Variants in N4BP2L1 observed in about 807,000 individuals in gnomAD.
N4BP2L1 encodes the protein NEDD4-binding protein 2-like 1.
Under a neutral mutation model 21.2 loss-of-function variants are expected in N4BP2L1, and 12 were observed. The ratio of observed to expected loss-of-function variants is 0.57; its 90% CI spans 0.36 to 0.92. The LOEUF (loss-of-function observed/expected upper bound fraction) is 0.92. Among genes scored for constraint, N4BP2L1 ranks in the 40% least tolerant of loss-of-function variants. N4BP2L1 has a pLI of 0.01. For missense variants in N4BP2L1, 259 were observed against 310.6 expected, an observed-to-expected ratio of 0.83 and a Z score of 1.25; for synonymous variants, 104 against 112.8, an observed-to-expected ratio of 0.92 and a Z score of 0.49.
At chr13:32,417,759 G>A (rs995117279) in intron 1 of N4BP2L1, among the ~76,000 whole-genome samples, 6 of 152,298 alleles carry the variant, frequency 3.9e-5, no homozygotes, top group East Asian at 1.9e-4. Flanking sequence ...TGCTATGGAC[G>A]ATGAAGTCCA....
intron 1 of N4BP2L1, among the ~76,000 whole-genome samples, chr13:32,423,261 A>G (rs2074582243): frequency 6.6e-6 from 1 of 152,244 alleles, no homozygotes; most frequent in Admixed American, 6.5e-5. Flanking sequence ...GGAAAATTCC[A>G]TGTTATCCAG....
chr13:32,411,872 C>G, intron 1 of N4BP2L1: 1 of 688,170 alleles, frequency 1.5e-6, no homozygotes, highest in Non-Finnish European at 1.8e-6. Context: ...ACTTGACGCC[C>G]AGTTTTTTAC....
At chr13:32,405,148 C>T (rs1333393274) in intron 3 of N4BP2L1, among the ~76,000 whole-genome samples, 1 of 152,116 alleles carries the variant, frequency 6.6e-6, no homozygotes, top group East Asian at 1.9e-4. Flanking sequence ...CAACCGGAAA[C>T]CTCTCATTTC....
chr13:32,408,027 CCGCTGCCTTCTGT>C (rs1162902944), intron 1 of N4BP2L1, among the ~76,000 whole-genome samples: 1 of 152,204 alleles, frequency 6.6e-6, no homozygotes, highest in Non-Finnish European at 1.5e-5. Context: ...ACAGTCACTG[CCGCTGCCTTCTGT>C]AGCGGCAAGA....
At chr13:32,411,845 C>T (rs1333284167) in intron 1 of N4BP2L1, 1 of 910,596 alleles carries the variant, frequency 1.1e-6, no homozygotes, top group African/African-American at 1.8e-5. Flanking sequence ...GAAAGTCAGA[C>T]ATTGCATGTA....
chr13:32,416,467 G>T (rs1414420920), intron 1 of N4BP2L1: 1 of 152,190 alleles, frequency 6.6e-6, no homozygotes, highest in Non-Finnish European at 1.5e-5. Flanking sequence ...TCCATATCAT[G>T]AACAAATTTC....
At chr13:32,422,076 A>G (rs1307917238) in intron 1 of N4BP2L1, among the ~76,000 whole-genome samples, 3 of 152,210 alleles carry the variant, frequency 2.0e-5, no homozygotes, top group East Asian at 3.8e-4. Flanking sequence ...AAATATGGAA[A>G]CGTATTTAAA....
Position 32,402,470 on chromosome 13 carries a change from T to C in N4BP2L1, c.*472A>G. ...ATAAGAGTCGCACATCTCACATTTT[T>C]AGATACATAGATTATCAAAGTAGCA... On this transcript the variant is annotated 3_prime_UTR_variant, in exon 5 of 5. Coordinates refer to ENST00000380130, the MANE Select transcript of N4BP2L1 (RefSeq NM_052818.3). 3.1e-6 allele frequency: 3 copies of C among 975,112 alleles called. No homozygotes were observed. The highest frequency in any genetic ancestry group is 3.7e-6 in the Non-Finnish European group (3 of 821,002). 60.4% of individuals were successfully genotyped at this position (975,112 alleles called of 1,614,324 possible).
chr13:32,413,072 C>T (rs1038268501), intron 1 of N4BP2L1, among the ~76,000 whole-genome samples: 1 of 151,892 alleles, frequency 6.6e-6, no homozygotes, highest in Non-Finnish European at 1.5e-5. Flanking sequence ...TATAGGCGCC[C>T]ACCACCATGC....
At chr13:32,411,586 C>CA (rs2073862856) in intron 1 of N4BP2L1, 1 of 985,018 alleles carries the variant, frequency 1.0e-6, no homozygotes, top group Admixed American at 6.2e-5. Flanking sequence ...TTATGGTGGT[C>CA]AGGAGCCTCA....
At position 32,403,808 on chromosome 13, in the gene N4BP2L1, T is replaced by C. The variant is rs548591898; in HGVS notation, c.473+513A>G. On this transcript the variant is annotated intron_variant, in intron 4 of 4. Coordinates refer to ENST00000380130, the MANE Select transcript of N4BP2L1 (RefSeq NM_052818.3). ...GCCTTACTCCTAAGAAGTAAATTCTTACCTCACTGGCTATTTTAAGTCAAT... is the reference window on the plus strand; with the variant it reads ...GCCTTACTCCTAAGAAGTAAATTCTCACCTCACTGGCTATTTTAAGTCAAT... 336 of 512,614 alleles carry C rather than the reference T, an allele frequency of 6.6e-4. 3 individuals carry two copies. Among genetic ancestry groups the C allele is most frequent in the South Asian group, 5.0e-3 (332 of 66,404 alleles). The allele number at this position is 512,614 out of a possible 1,614,324, so 31.8% of individuals were successfully genotyped here. A position where few individuals can be genotyped will look rare whatever the true frequency, so the allele number is the denominator to read the frequency against.
Position 32,400,776 on chromosome 13 carries a change from G to GC in N4BP2L1, c.*2165dup, listed in dbSNP as rs1370836652. 1 of 152,090 alleles carries GC rather than the reference G, an allele frequency of 6.6e-6. No homozygotes were observed. Among genetic ancestry groups the GC allele is most frequent in the African/African-American group, 2.4e-5 (1 of 41,424 alleles). 9.4% of individuals were successfully genotyped at this position (152,090 alleles called of 1,614,324 possible). On this transcript the variant is annotated 3_prime_UTR_variant, in exon 5 of 5. Transcript: ENST00000380130. ...AGCAATCATTTAATGAGACCCTATT[G>GC]CCCATAAAGAGCATTTGCCAGTTCT...
chr13:32,413,916 C>CT (rs2073993533), intron 1 of N4BP2L1, among the ~76,000 whole-genome samples: 1 of 129,376 alleles, frequency 7.7e-6, no homozygotes, highest in Admixed American at 8.7e-5. Context: ...GAGTCTCACT[C>CT]TGTCACCCAG....
intron 1 of N4BP2L1, chr13:32,416,122 G>A (rs914392470): frequency 6.6e-6 from 1 of 152,172 alleles, no homozygotes; most frequent in South Asian, 2.1e-4. Flanking sequence ...TTGATATATA[G>A]ACTTAGTCCA....
intron 1 of N4BP2L1, among the ~76,000 whole-genome samples, chr13:32,422,825 T>C (rs148449853): frequency 1.5e-3 from 234 of 152,210 alleles, no homozygotes; most frequent in Non-Finnish European, 2.9e-3. Flanking sequence ...CTTAGGAAAA[T>C]TGTGAAAAAT....
rs1255193658 is a variant in N4BP2L1 at position 32,407,323 on chromosome 13, C to T, written c.323G>A (p.Arg108Lys). 6.2e-7 allele frequency: 1 copy of T among 1,614,030 alleles called. No homozygotes were observed. Among genetic ancestry groups the T allele is most frequent in the South Asian group, 1.1e-5 (1 of 91,086 alleles). Residue 108 changes from arginine (R) to lysine (K), a missense_variant, in exon 3 of 5, where the codon AGG (arginine) becomes AAG (lysine). Coordinates refer to ENST00000380130, the MANE Select transcript of N4BP2L1 (RefSeq NM_052818.3). ...WNQKRARKAM[R>K]NGISPIIIDN... is the part of the protein sequence containing the mutation. ...AATAATAATGGGGGATATGCCATTCCTCATTGCTTTTCTTGCTGCAACACA... is the reference window on the plus strand; with the variant it reads ...AATAATAATGGGGGATATGCCATTCTTCATTGCTTTTCTTGCTGCAACACA...
In N4BP2L1 at chr13:32,428,109, C is replaced by G. The variant is rs778484575; in HGVS notation, c.-27G>C. On this transcript the variant is annotated 5_prime_UTR_variant, in exon 1 of 5. Transcript: ENST00000380130. ...GGCAGGAGGGCTGGCTGCGAGAGCC[C>G]CGGGTTCCCTTTACTGAAGTCACGG... is the stretch of plus-strand genomic sequence containing the variant. 7.0e-7 allele frequency: 1 copy of G among 1,428,182 alleles called. No homozygotes were observed. Among genetic ancestry groups the G allele is most frequent in the Non-Finnish European group, 9.2e-7 (1 of 1,086,672 alleles). The allele number at this position is 1,428,182 out of a possible 1,614,324, so 88.5% of individuals were successfully genotyped here. A position where few individuals can be genotyped will look rare whatever the true frequency, so the allele number is the denominator to read the frequency against.
At chr13:32,403,955 G>T (rs993971287) in intron 4 of N4BP2L1, among the ~76,000 whole-genome samples, 1 of 152,006 alleles carries the variant, frequency 6.6e-6, no homozygotes, top group African/African-American at 2.4e-5. Context: ...TAAATGAATC[G>T]CAGACTGCTC....
intron 1 of N4BP2L1, among the ~76,000 whole-genome samples, chr13:32,424,620 G>A (rs575819619): frequency 1.4e-4 from 21 of 152,256 alleles, no homozygotes; most frequent in African/African-American, 3.6e-4. Context: ...ATGAGCCACC[G>A]CTCCACCCTC....
Sources: allele counts gnomAD v4.1 joint callset (sites outside exome capture counted in the v4.1 genomes callset), GRCh38; gene constraint gnomAD v4.1.1; transcripts MANE v1.5; gene names NCBI Gene and HGNC (gene_info 2026-07-23, HGNC 2026-07-21).